Variants in CLCA2 observed in about 807,000 individuals in gnomAD.
CLCA2 encodes calcium-activated chloride channel regulator 2.
Under a neutral mutation model 82.9 loss-of-function variants are expected in CLCA2, and 85 were observed. That is an observed-to-expected ratio of 1.03 (90% CI 0.86 to 1.23). The LOEUF (loss-of-function observed/expected upper bound fraction) is 1.23, where lower values mean the gene tolerates loss of function less well. Ranked by LOEUF, CLCA2 falls within the 50% of genes most tolerant of loss-of-function variation. The pLI, the probability that CLCA2 is intolerant of heterozygous loss-of-function variation, is 0.00. For synonymous variants in CLCA2, 421 were observed against 391.7 expected (o/e 1.07, Z -0.88); for missense variants, 1,089 against 1,124.8 (o/e 0.97, Z 0.45).
At chr1:86,441,659 C>T (rs1662739519) in intron 9 of CLCA2, 116 bp downstream of exon 9, 5 of 668,064 alleles carry the variant, frequency 7.5e-6, no homozygotes, top group Admixed American at 7.0e-5. Flanking sequence ...TATGTAACAG[C>T]TGTGTATGGA....
Position 86,453,440 on chromosome 1 carries a change from C to A in CLCA2, c.2227C>A (p.Arg743=). 1 of 1,614,070 alleles carries A rather than the reference C, an allele frequency of 6.2e-7. No homozygotes were observed. Among genetic ancestry groups the A allele is most frequent in the South Asian group, 1.1e-5 (1 of 91,080 alleles). ...NEEERKWGFS[R]VSSGGSFSVL... Reference sequence around the variant, plus strand: ...GGAGGAGCGAAAGTGGGGCTTTAGCCGAGTCAGCTCAGGAGGCTCCTTTTC... The same window carrying A: ...GGAGGAGCGAAAGTGGGGCTTTAGCAGAGTCAGCTCAGGAGGCTCCTTTTC... Residue 743 remains arginine, a synonymous_variant, in exon 13 of 14, where the codon CGA becomes AGA. Coordinates refer to ENST00000370565, the MANE Select transcript of CLCA2 (RefSeq NM_006536.7).
intron 10 of CLCA2, among the ~76,000 whole-genome samples, chr1:86,446,607 C>T (rs1662859487): frequency 6.6e-6 from 1 of 152,116 alleles, no homozygotes; most frequent in Admixed American, 6.5e-5. Flanking sequence ...AATAGTGAAG[C>T]TCATGAATCC....
intron 3 of CLCA2, among the ~76,000 whole-genome samples, chr1:86,430,149 G>C (rs1015677456): frequency 6.6e-6 from 1 of 152,146 alleles, no homozygotes; most frequent in Non-Finnish European, 1.5e-5. Context: ...CATCTGGAAA[G>C]CTTATATGGG....
At chr1:86,453,345 CTT>C (rs527665018) in intron 12 of CLCA2, 22 bp from the exon 13 acceptor site, 1 of 1,542,706 alleles carries the variant, frequency 6.5e-7, no homozygotes, top group Non-Finnish European at 8.9e-7. Context: ...GTCATTTTGC[CTT>C]TTTTTTTCTT....
At position 86,455,164 on chromosome 1, in the gene CLCA2, A is replaced by G. The variant is rs372812038; in HGVS notation, c.2469A>G (p.Thr823=). The change falls in exon 14 of 14, where the codon ACA becomes ACG. Residue 823 remains threonine (T), a synonymous_variant. Coordinates refer to ENST00000370565, the MANE Select transcript of CLCA2 (RefSeq NM_006536.7). ...DDFNNAILVN[T]SKRNPQQAGI... ...TTAACAATGCTATTTTAGTAAATAC[A>G]TCAAAGCGAAATCCTCAGCAAGCTG... 33 of 1,613,008 alleles carry G rather than the reference A, an allele frequency of 2.0e-5. No individual in the cohort carries two copies. The South Asian group carries it at 3.1e-4, about 15-fold the overall frequency.
At chr1:86,440,888 G>A (rs1330121151) in intron 8 of CLCA2, among the ~76,000 whole-genome samples, 4 of 152,040 alleles carry the variant, frequency 2.6e-5, no homozygotes, top group African/African-American at 4.8e-5. Context: ...GTGACAGAAC[G>A]AGACCCCATC....
intron 4 of CLCA2, among the ~76,000 whole-genome samples, chr1:86,432,167 C>G (rs1662514366): frequency 1.3e-5 from 2 of 152,114 alleles, no homozygotes; most frequent in African/African-American, 4.8e-5. Flanking sequence ...AACTCTTGAC[C>G]TCAGGTGATC....
rs1237862796 is a variant in CLCA2 at position 86,440,291 on chromosome 1, A to G, written c.1347A>G (p.Ala449=). 1 of 1,614,092 alleles carries G rather than the reference A, an allele frequency of 6.2e-7. No individual in the cohort carries two copies. Among genetic ancestry groups the G allele is most frequent in the Admixed American group, 1.7e-5 (1 of 60,008 alleles). ...ACTCCATTGCCCTGGGTTCATCTGC[A>G]GCCCCAAATCTGGAGGAATTATCAC... ...TIHSIALGSS[A]APNLEELSRL... Residue 449 remains alanine, a synonymous_variant, in exon 8 of 14, where the codon GCA becomes GCG. Coordinates refer to ENST00000370565, the MANE Select transcript of CLCA2 (RefSeq NM_006536.7).
intron 8 of CLCA2, among the ~76,000 whole-genome samples, chr1:86,440,853 A>G (rs938824593): frequency 6.6e-6 from 1 of 152,172 alleles, no homozygotes; most frequent in African/African-American, 2.4e-5. Flanking sequence ...GTCACCTGAG[A>G]TCACGCTACT....
intron 2 of CLCA2, among the ~76,000 whole-genome samples, chr1:86,427,623 C>G (rs776448005): frequency 1.3e-5 from 2 of 151,162 alleles, no homozygotes; most frequent in South Asian, 4.2e-4. Flanking sequence ...TATATTGGAT[C>G]GTATTAGATC....
At chr1:86,454,735 T>G (rs1292455592) in intron 13 of CLCA2, among the ~76,000 whole-genome samples, 1 of 152,160 alleles carries the variant, frequency 6.6e-6, no homozygotes, top group African/African-American at 2.4e-5. Context: ...TAGGTTACAG[T>G]GAGCCAAGAT....
At chr1:86,445,395 C>T (rs1399314416) in intron 10 of CLCA2, 1 of 103,242 alleles carries the variant, frequency 9.7e-6, no homozygotes, top group Admixed American at 1.4e-4. Context: ...TTAGAAGATT[C>T]GCATTTATTC....
At chr1:86,439,340 C>A (rs1427893524) in intron 7 of CLCA2, among the ~76,000 whole-genome samples, 3 of 152,174 alleles carry the variant, frequency 2.0e-5, no homozygotes, top group African/African-American at 4.8e-5. Context: ...TACTTGTTGA[C>A]AGAATAAGAA....
In CLCA2 at chr1:86,453,548, G is replaced by A. The variant is rs1663016354; in HGVS notation, c.2335G>A (p.Glu779Lys). Residue 779 changes from glutamate (E) to lysine (K), a missense_variant, in exon 13 of 14, where the codon GAG becomes AAG. By Grantham distance (56) the Glu-to-Lys change is moderately conservative. Transcript: ENST00000370565. ...TGACCTGGAAGCTGTAAAAGTAGAA[G>A]AGGAATTGACCCTATCTTGGACAGC... is the stretch of plus-strand genomic sequence containing the variant. ...IIDLEAVKVE[E>K]ELTLSWTAPG... The A allele has an allele frequency of 1.9e-6, 3 of 1,614,042 alleles. No individual in the cohort carries two copies. Among genetic ancestry groups the A allele is most frequent in the Admixed American group, 1.7e-5 (1 of 60,002 alleles).
chr1:86,429,180 G>A lies in CLCA2; in HGVS notation c.475+612G>A, dbSNP rs563604768. Among the ~76,000 whole-genome samples, 11 of 152,262 alleles carry A rather than the reference G, an allele frequency of 7.2e-5. No homozygotes were observed. The South Asian group carries it at 8.3e-4, about 11-fold the overall frequency. On this transcript the variant is annotated intron_variant, in intron 3 of 13. Transcript: ENST00000370565. ...ATCAGGAGAATAACTGGGAGAAGTC[G>A]AGGTATGAGGCCACAAGACTTAAAA...
chr1:86,447,442 G>T, intron 10 of CLCA2, 66 bp from the exon 11 acceptor site: 1 of 1,529,974 alleles, frequency 6.5e-7, no homozygotes. Context: ...AAGTTTTGAT[G>T]TATGCTTTAA....
intron 2 of CLCA2, 61 bp downstream of exon 2, chr1:86,425,537 T>C: frequency 1.5e-6 from 2 of 1,327,256 alleles, no homozygotes; most frequent in Non-Finnish European, 2.0e-6. Flanking sequence ...AAATATACTG[T>C]GCTCAAACGA....
intron 6 of CLCA2, 35 bp from the exon 7 acceptor site, chr1:86,438,841 T>C: frequency 6.3e-7 from 1 of 1,584,826 alleles, no homozygotes; most frequent in Non-Finnish European, 8.7e-7. Flanking sequence ...ACTAACCAAA[T>C]GTTGCCATTT....
Position 86,424,269 on chromosome 1 carries a change from G to A in CLCA2, c.22G>A (p.Gly8Ser). MTQRSIA[G>S]PICNLKFVTL... ...CAACATGACCCAAAGGAGCATTGCAGGTCCTATTTGCAACCTGAAGTTTGT... is the reference window on the plus strand; with the variant it reads ...CAACATGACCCAAAGGAGCATTGCAAGTCCTATTTGCAACCTGAAGTTTGT... The change falls in exon 1 of 14, where the codon GGT (glycine) becomes AGT (serine). Residue 8 changes from glycine to serine, a missense_variant. Coordinates refer to ENST00000370565, the MANE Select transcript of CLCA2 (RefSeq NM_006536.7). 3 of 1,613,476 alleles carry A rather than the reference G, an allele frequency of 1.9e-6. No homozygotes were observed. The highest frequency in any genetic ancestry group is 2.5e-6 in the Non-Finnish European group (3 of 1,179,778).
Sources: gnomAD v4.1 joint callset for allele counts (sites outside exome capture counted in the v4.1 genomes callset) on GRCh38, gnomAD v4.1.1 for gene constraint, MANE v1.5 for transcripts, NCBI Gene and HGNC (gene_info 2026-07-23, HGNC 2026-07-21) for gene names.